The following HSDL2 variants were observed in gnomAD, a reference collection of about 807,000 sequenced individuals.
The protein encoded by HSDL2 is hydroxysteroid dehydrogenase-like protein 2.
A neutral mutation model predicts 46.3 loss-of-function variants in HSDL2; 27 were observed. That is an observed-to-expected ratio of 0.58 (90% CI 0.43 to 0.80). HSDL2 has a LOEUF of 0.80. Ranked by LOEUF, HSDL2 falls within the 30% of genes least tolerant of loss-of-function variation. The pLI is 0.00. For synonymous variants in HSDL2, 153 were observed against 163.6 expected (o/e 0.94, Z 0.50); for missense variants, 451 against 502.7 (o/e 0.90, Z 0.98).
chr9:112,404,266 AT>A (rs1185056619), intron 2 of HSDL2, 108 bp downstream of exon 2: 9 of 1,037,526 alleles, frequency 8.7e-6, no homozygotes, highest in Non-Finnish European at 1.3e-5. Flanking sequence ...CCTGAACATA[AT>A]TTTATCTAGT....
At chr9:112,457,625 A>G (rs1457999869) in intron 9 of HSDL2, among the ~76,000 whole-genome samples, 1 of 152,172 alleles carries the variant, frequency 6.6e-6, no homozygotes, top group Admixed American at 6.5e-5. Flanking sequence ...AGCCTAGGCA[A>G]CAGAGCAAGA....
chr9:112,404,750 G>A (rs961451268), intron 2 of HSDL2, among the ~76,000 whole-genome samples: 1 of 152,136 alleles, frequency 6.6e-6, no homozygotes, highest in Admixed American at 6.6e-5. Context: ...AAGGCATAGC[G>A]CTAGGCACAG....
intron 8 of HSDL2, 87 bp from the exon 9 acceptor site, chr9:112,453,926 G>T: frequency 1.6e-6 from 2 of 1,257,940 alleles, no homozygotes; most frequent in Non-Finnish European, 1.1e-6. Context: ...CTAATTGGTG[G>T]CAAGTCTGTC....
chr9:112,463,449 G>C (rs1042054791), intron 10 of HSDL2, among the ~76,000 whole-genome samples: 1 of 152,018 alleles, frequency 6.6e-6, no homozygotes, highest in Non-Finnish European at 1.5e-5. Context: ...ATTTGCTACA[G>C]TGACTATACC....
intron 6 of HSDL2, among the ~76,000 whole-genome samples, chr9:112,421,458 T>G (rs1169132460): frequency 6.6e-6 from 1 of 152,212 alleles, no homozygotes; most frequent in Non-Finnish European, 1.5e-5. Flanking sequence ...TTTCTGCTCC[T>G]AGGGTAGTGC....
intron 6 of HSDL2, among the ~76,000 whole-genome samples, chr9:112,421,427 C>A (rs530360822): frequency 6.0e-4 from 91 of 152,286 alleles, no homozygotes; most frequent in Middle Eastern, 3.4e-3. Context: ...CGAGGAACCA[C>A]CTTAGGAATC....
chr9:112,438,686 A>T, intron 7 of HSDL2, 61 bp downstream of exon 7: 1 of 991,918 alleles, frequency 1.0e-6, no homozygotes, highest in Admixed American at 2.7e-5. Context: ...TGCAATGAAC[A>T]TATCTGTTTT....
intron 6 of HSDL2, among the ~76,000 whole-genome samples, chr9:112,428,587 T>G (rs1453295620): frequency 2.0e-5 from 3 of 152,194 alleles, no homozygotes; most frequent in South Asian, 4.1e-4. Flanking sequence ...TTATTTCTAG[T>G]GGAATCGAAT....
chr9:112,413,485 CA>C (rs200403116), intron 4 of HSDL2, among the ~76,000 whole-genome samples: 1 of 92,452 alleles, frequency 1.1e-5, no homozygotes, highest in African/African-American at 3.9e-5. Flanking sequence ...AATTCCCTCT[CA>C]AAAAAAAAGA....
intron 8 of HSDL2, among the ~76,000 whole-genome samples, chr9:112,451,413 G>T (rs1433710575): frequency 6.6e-6 from 1 of 152,126 alleles, no homozygotes; most frequent in Non-Finnish European, 1.5e-5. Flanking sequence ...AAATTGAACT[G>T]GTGAAGACGA....
At chr9:112,432,929 G>A (rs1052448131) in intron 6 of HSDL2, among the ~76,000 whole-genome samples, 4 of 151,892 alleles carry the variant, frequency 2.6e-5, no homozygotes, top group African/African-American at 7.3e-5. Flanking sequence ...CACCACACCT[G>A]GCTAATTTTT....
intron 10 of HSDL2, among the ~76,000 whole-genome samples, chr9:112,465,554 T>G (rs1008703589): frequency 1.3e-5 from 2 of 152,238 alleles, no homozygotes; most frequent in Non-Finnish European, 2.9e-5. Flanking sequence ...CATATGTAAG[T>G]AAGCACTTCT....
At chr9:112,461,375 G>A (rs75993182) in intron 10 of HSDL2, among the ~76,000 whole-genome samples, 4,207 of 152,126 alleles carry the variant, frequency 0.028, 99 homozygotes, top group Non-Finnish European at 0.033. Flanking sequence ...CACCGCGCCC[G>A]GCCCCTTTAA....
chr9:112,418,716 TATATACACATACATATGTATATAC>T, intron 5 of HSDL2, 120 bp from the exon 6 acceptor site: 2 of 418,686 alleles, frequency 4.8e-6, no homozygotes, highest in Non-Finnish European at 4.4e-6. Context: ...TACACACAGA[TATATACACATACATATGTATATAC>T]ATACATGCAC....
chr9:112,409,241 G>A (rs1204920373), intron 4 of HSDL2, among the ~76,000 whole-genome samples: 4 of 152,224 alleles, frequency 2.6e-5, no homozygotes, highest in African/African-American at 9.6e-5. Flanking sequence ...CCAGGCTGGA[G>A]TGCAGTGGCA....
intron 6 of HSDL2, among the ~76,000 whole-genome samples, chr9:112,430,788 G>A (rs368173157): frequency 3.2e-4 from 49 of 152,018 alleles, no homozygotes; most frequent in Middle Eastern, 3.4e-3. Flanking sequence ...GCGGTGGCTC[G>A]CATCTGTAAT....
At chr9:112,425,906 T>TG (rs1564118901) in intron 6 of HSDL2, among the ~76,000 whole-genome samples, 3 of 151,294 alleles carry the variant, frequency 2.0e-5, no homozygotes, top group African/African-American at 4.9e-5. Flanking sequence ...TTTTCAGTTT[T>TG]TGTGTGTATG....
intron 10 of HSDL2, 113 bp downstream of exon 10, chr9:112,459,690 A>G (rs1833147154): frequency 1.1e-6 from 1 of 933,350 alleles, no homozygotes. Context: ...CAGCAGTGGA[A>G]TCTTAGTTTT....
intron 1 of HSDL2, among the ~76,000 whole-genome samples, chr9:112,380,891 G>T (rs1296699104): frequency 6.6e-6 from 1 of 152,172 alleles, no homozygotes; most frequent in East Asian, 1.9e-4. Context: ...TTTATGTAAG[G>T]TCTGGGTATC....
Sources: gnomAD v4.1 joint callset for allele counts (sites outside exome capture counted in the v4.1 genomes callset) on GRCh38, gnomAD v4.1.1 for gene constraint, MANE v1.5 for transcripts, NCBI Gene and HGNC (gene_info 2026-07-23, HGNC 2026-07-21) for gene names.